The following RPS10 variants were observed in gnomAD, a reference collection of about 807,000 sequenced individuals.
RPS10 encodes the protein small ribosomal subunit protein eS10.
A neutral mutation model predicts 22.6 loss-of-function variants in RPS10; 2 were observed. The ratio of observed to expected loss-of-function variants is 0.09; its 90% CI spans 0.04 to 0.28. The LOEUF is 0.28. Ranked by LOEUF, RPS10 falls within the 10% of genes least tolerant of loss-of-function variation. RPS10 has a pLI of 1.00. For missense variants in RPS10, 137 were observed against 222.2 expected, an observed-to-expected ratio of 0.62 and a Z score of 2.44; for synonymous variants, 70 against 75.9, an observed-to-expected ratio of 0.92 and a Z score of 0.40.
intron 1 of RPS10, 130 bp downstream of exon 1, chr6:34,425,902 G>T (rs1384601973): frequency 6.5e-6 from 1 of 153,144 alleles, no homozygotes; most frequent in Non-Finnish European, 1.5e-5. Flanking sequence ...AGCCCCTATC[G>T]CTACTCAGAA....
At chr6:34,424,471 A>C in intron 3 of RPS10, 198 bp downstream of exon 3, 3 of 629,468 alleles carry the variant, frequency 4.8e-6, no homozygotes, top group Middle Eastern at 7.1e-4. Context: ...TCTGTGCTTA[A>C]GGCCATCTCA....
chr6:34,418,357 G>A lies in RPS10; in HGVS notation c.456+12C>T. The A allele has an allele frequency of 6.2e-7, 1 of 1,614,072 alleles. No homozygotes were observed. Among genetic ancestry groups the A allele is most frequent in the Non-Finnish European group, 8.5e-7 (1 of 1,179,988 alleles). Reference sequence around the variant, plus strand: ...GTGATGGCTCATGGAAAACAAATAGGAAGATACTCACAAACTGGAATTCGG... The same window carrying A: ...GTGATGGCTCATGGAAAACAAATAGAAAGATACTCACAAACTGGAATTCGG... On this transcript the variant is annotated intron_variant, in intron 5 of 5. Coordinates refer to ENST00000648437, the MANE Select transcript of RPS10 (RefSeq NM_001014.5).
intron 3 of RPS10, among the ~76,000 whole-genome samples, chr6:34,423,077 A>C (rs1029704617): frequency 6.6e-6 from 1 of 152,054 alleles, no homozygotes; most frequent in African/African-American, 2.4e-5. Flanking sequence ...ATAAACAAAC[A>C]AACAAACACA....
At position 34,425,065 on chromosome 6, in the gene RPS10, C is replaced by T; in HGVS notation, c.150+7G>A. 6.2e-7 allele frequency: 1 copy of T among 1,612,322 alleles called. No homozygotes were observed. The highest frequency in any genetic ancestry group is 1.1e-5 in the South Asian group (1 of 90,986). On this transcript the variant is annotated splice_region_variant and intron_variant, in intron 2 of 5. Transcript: ENST00000648437. ...GATCCATCCCATCTTCCTCCTCACC[C>T]TCCTACCTGCATGGCCTTCATGACA...
Position 34,424,776 on chromosome 6 carries a change from G to A in RPS10, c.215C>T (p.Thr72Ile), listed in dbSNP as rs553744707. The A allele has an allele frequency of 6.2e-7, 1 of 1,614,134 alleles. No homozygotes were observed. Among genetic ancestry groups the A allele is most frequent in the African/African-American group, 1.3e-5 (1 of 75,050 alleles). The change falls in exon 3 of 6, where the codon ACC (threonine) becomes ATC (isoleucine). Residue 72 changes from threonine to isoleucine, a missense_variant. Coordinates refer to ENST00000648437, the MANE Select transcript of RPS10 (RefSeq NM_001014.5). ...FAWRHFYWYL[T>I]NEGIQYLRDY... is the part of the protein sequence containing the mutation. ...ACGGAGATACTGGATACCCTCATTGGTAAGGTACCAGTAGAAATGTCTCCA... is the reference window on the plus strand; with the variant it reads ...ACGGAGATACTGGATACCCTCATTGATAAGGTACCAGTAGAAATGTCTCCA...
chr6:34,425,077 T>C lies in RPS10; in HGVS notation c.145A>G (p.Met49Val). 1.2e-6 allele frequency: 2 copies of C among 1,612,346 alleles called. No individual in the cohort carries two copies. Among genetic ancestry groups the C allele is most frequent in the Non-Finnish European group, 1.7e-6 (2 of 1,179,940 alleles). ...NVPNLHVMKAMQSLKSRGYVK... is the reference protein window; with the variant it reads ...NVPNLHVMKAVQSLKSRGYVK... ...CTTCCTCCTCACCCTCCTACCTGCA[T>C]GGCCTTCATGACATGAAGGTTGGGC... Residue 49 changes from methionine to valine, a missense_variant, in exon 2 of 6, where the codon ATG becomes GTG. Coordinates refer to ENST00000648437, the MANE Select transcript of RPS10 (RefSeq NM_001014.5).
intron 4 of RPS10, among the ~76,000 whole-genome samples, chr6:34,419,486 A>G (rs533466600): frequency 2.6e-5 from 4 of 152,278 alleles, no homozygotes; most frequent in East Asian, 3.9e-4. Context: ...TAAGAAAAAA[A>G]GAATGTAAAA....
chr6:34,424,306 A>C, intron 3 of RPS10: 2 of 295,534 alleles, frequency 6.8e-6, no homozygotes, highest in South Asian at 7.0e-5. Context: ...TGGCAAGAAA[A>C]CTACAACACT....
In RPS10 at chr6:34,418,350, CAA is replaced by C. The variant is rs1392653040; in HGVS notation, c.456+17_456+18del. 2 of 1,613,932 alleles carry C rather than the reference CAA, an allele frequency of 1.2e-6. No homozygotes were observed. The highest frequency in any genetic ancestry group is 2.7e-5 in the African/African-American group (2 of 74,910). On this transcript the variant is annotated intron_variant, in intron 5 of 5. Transcript: ENST00000648437. Reference sequence around the variant, plus strand: ...AGAACAAGTGATGGCTCATGGAAAACAAATAGGAAGATACTCACAAACTGGAA... The same window carrying C: ...AGAACAAGTGATGGCTCATGGAAAACATAGGAAGATACTCACAAACTGGAA...
intron 3 of RPS10, 96 bp downstream of exon 3, chr6:34,424,573 A>T: frequency 1.3e-6 from 2 of 1,524,198 alleles, no homozygotes; most frequent in South Asian, 2.4e-5. Flanking sequence ...TGCAGGCCAG[A>T]GCCCTCTAAA....
intron 4 of RPS10, among the ~76,000 whole-genome samples, chr6:34,420,847 A>G (rs1362825531): frequency 6.6e-6 from 1 of 151,522 alleles, no homozygotes; most frequent in African/African-American, 2.4e-5. Flanking sequence ...TCTACTAAAA[A>G]TACAAAAAAA....
chr6:34,419,401 G>C (rs1212354189), intron 4 of RPS10, among the ~76,000 whole-genome samples: 1 of 152,114 alleles, frequency 6.6e-6, no homozygotes, highest in Non-Finnish European at 1.5e-5. Context: ...GAGCTCAAGT[G>C]ATCTGCCTGC....
intron 4 of RPS10, among the ~76,000 whole-genome samples, chr6:34,419,196 T>G (rs1399708105): frequency 6.6e-6 from 1 of 152,094 alleles, no homozygotes; most frequent in Non-Finnish European, 1.5e-5. Flanking sequence ...TTTTTTTGTA[T>G]TTTTAGTAGA....
intron 5 of RPS10, 196 bp from the exon 6 acceptor site, chr6:34,417,743 T>C: frequency 1.4e-6 from 1 of 722,442 alleles, no homozygotes; most frequent in Non-Finnish European, 2.6e-6. Flanking sequence ...TAGGCCCATT[T>C]CTTCATTGGT....
rs1419003089 is a variant in RPS10, at chr6:34,418,481, A to C, written c.401-57T>G. The C allele has an allele frequency of 3.1e-6, 5 of 1,612,652 alleles. No individual in the cohort carries two copies. The East Asian group carries it at 1.1e-4, about 36-fold the overall frequency. Reference sequence around the variant, plus strand: ...ATATGATCTAATCTACTATAGAACAAGGGAAGACAACTCACTGACTCCAAT... The same window carrying C: ...ATATGATCTAATCTACTATAGAACACGGGAAGACAACTCACTGACTCCAAT... On this transcript the variant is annotated intron_variant, in intron 4 of 5. Transcript: ENST00000648437.
intron 4 of RPS10, among the ~76,000 whole-genome samples, 164 bp downstream of exon 4, chr6:34,421,566 G>A (rs1180316368): frequency 1.3e-5 from 2 of 152,056 alleles, no homozygotes; most frequent in East Asian, 1.9e-4. Context: ...GAAGAAAGAA[G>A]CACAAAGGAC....
At chr6:34,424,298 G>C in intron 3 of RPS10, 1 of 289,668 alleles carries the variant, frequency 3.5e-6, no homozygotes. Context: ...TCTCCTGTTG[G>C]CAAGAAAACT....
intron 5 of RPS10, 51 bp from the exon 6 acceptor site, chr6:34,417,598 T>C (rs759744444): frequency 4.3e-5 from 68 of 1,595,344 alleles, no homozygotes; most frequent in Admixed American, 1.8e-4. Flanking sequence ...TGGTTTGATC[T>C]TTGGAGGTTT....
At chr6:34,421,688 T>A (rs1293624940) in intron 4 of RPS10, 42 bp downstream of exon 4, 5 of 1,610,398 alleles carry the variant, frequency 3.1e-6, no homozygotes, top group Non-Finnish European at 4.2e-6. Flanking sequence ...AATCCAGACA[T>A]TTCACCCCAA....
Sources: allele counts gnomAD v4.1 joint callset (sites outside exome capture counted in the v4.1 genomes callset), GRCh38; gene constraint gnomAD v4.1.1; transcripts MANE v1.5; gene names NCBI Gene and HGNC (gene_info 2026-07-23, HGNC 2026-07-21).